Variants in DNAH2 observed in about 807,000 individuals in gnomAD.
The protein encoded by DNAH2 is axonemal beta dynein heavy chain 2.
In DNAH2, 323 loss-of-function variants were observed where a neutral mutation model predicts 523.5. The ratio of observed to expected loss-of-function variants is 0.62; its 90% confidence interval spans 0.56 to 0.68. The LOEUF (loss-of-function observed/expected upper bound fraction) is 0.68. Among genes scored for constraint, DNAH2 ranks in the 30% least tolerant of loss-of-function variants. The pLI, the probability that DNAH2 is intolerant of heterozygous loss-of-function variation, is 0.00. For missense variants in DNAH2, 4,907 were observed against 5,701.5 expected (o/e 0.86, Z 4.49); for synonymous variants, 2,093 against 2,177.4 (o/e 0.96, Z 1.08).
intron 79 of DNAH2, 63 bp downstream of exon 79, chr17:7,830,905 A>G: frequency 6.2e-7 from 1 of 1,600,612 alleles, no homozygotes; most frequent in Non-Finnish European, 8.5e-7. Flanking sequence ...TGGTGGGATC[A>G]GGGGTGGGGG....
At position 7,788,092 on chromosome 17, in the gene DNAH2, G is replaced by A. The variant is rs369484197; in HGVS notation, c.6748G>A (p.Val2250Met). ...CCTTCTTATTCAACTCCAGGCTGAGGTGGAGCCCCTTCAACGCATGTTCGA... is the reference window on the plus strand; with the variant it reads ...CCTTCTTATTCAACTCCAGGCTGAGATGGAGCCCCTTCAACGCATGTTCGA... ...SWLEKRPKAE[V>M]EPLQRMFEKL... The change falls in exon 44 of 86, where the codon GTG becomes ATG. Residue 2250 changes from valine (V) to methionine (M), a missense_variant. Coordinates refer to ENST00000572933, the MANE Select transcript of DNAH2 (RefSeq NM_020877.5). 6.3e-5 allele frequency: 102 copies of A among 1,614,242 alleles called. No individual in the cohort carries two copies. Among genetic ancestry groups the A allele is most frequent in the Admixed American group, 1.0e-4 (6 of 60,028 alleles).
chr17:7,750,297 T>G (rs76875454), intron 12 of DNAH2, among the ~76,000 whole-genome samples: 2,187 of 152,304 alleles, frequency 0.014, 43 homozygotes, highest in East Asian at 0.07. Context: ...GGTATTGGTT[T>G]CAATGTTTTT....
intron 63 of DNAH2, among the ~76,000 whole-genome samples, chr17:7,811,562 G>A (rs2077517995): frequency 6.6e-6 from 1 of 152,140 alleles, no homozygotes; most frequent in Non-Finnish European, 1.5e-5. Context: ...TCCGAAGGCT[G>A]GAAAGTCTAA....
chr17:7,742,859 T>TCGGTGGTCGC, intron 11 of DNAH2, 69 bp from the exon 12 acceptor site: 1 of 1,216,476 alleles, frequency 8.2e-7, no homozygotes, highest in Non-Finnish European at 1.1e-6. Flanking sequence ...TGTGTAGGTC[T>TCGGTGGTCGC]CAGGGAGATG....
chr17:7,791,534 C>T (rs894280260), intron 44 of DNAH2, among the ~76,000 whole-genome samples: 1 of 152,000 alleles, frequency 6.6e-6, no homozygotes, highest in Non-Finnish European at 1.5e-5. Flanking sequence ...TTTATTTTTC[C>T]ACTGCTCTAC....
rs928185331 is a variant in DNAH2, at chr17:7,778,848, C to T, written c.5541+379C>T. Among the ~76,000 whole-genome samples, 8 of 152,304 alleles carry T rather than the reference C, an allele frequency of 5.3e-5. No individual in the cohort carries two copies. The East Asian group carries it at 1.4e-3, about 26-fold the overall frequency. On this transcript the variant is annotated intron_variant, in intron 35 of 85. Coordinates refer to ENST00000572933, the MANE Select transcript of DNAH2 (RefSeq NM_020877.5). ...CCTCCCAAAGTGCTGGGATTACAGG[C>T]GTGAGCCACTGCGCCCAGCCACGTA...
In DNAH2 at chr17:7,768,409, T is replaced by G. The variant is rs1369796645; in HGVS notation, c.3941+142T>G. 5 of 805,622 alleles carry G rather than the reference T, an allele frequency of 6.2e-6. No individual in the cohort carries two copies. In the East Asian group the frequency reaches 8.0e-5, roughly 13 times the overall value. The allele number at this position is 805,622 out of a possible 1,614,324, so 49.9% of individuals were successfully genotyped here. A position where few individuals can be genotyped will look rare whatever the true frequency, so the allele number is the denominator to read the frequency against. On this transcript the variant is annotated intron_variant, in intron 24 of 85. Coordinates refer to ENST00000572933, the MANE Select transcript of DNAH2 (RefSeq NM_020877.5). ...CAAATGTATGTCTTTTTCTCTTTCC[T>G]CTTTTTAACATTTAATTTTGATGGA... is the stretch of plus-strand genomic sequence containing the variant.
At chr17:7,770,999 G>C in intron 27 of DNAH2, 66 bp downstream of exon 27, 1 of 1,562,560 alleles carries the variant, frequency 6.4e-7, no homozygotes, top group Non-Finnish European at 8.7e-7. Flanking sequence ...TTAAGACCTA[G>C]ATTTTGCCCT....
chr17:7,776,112 A>G lies in DNAH2; in HGVS notation c.4910A>G (p.Asn1637Ser), dbSNP rs2076445403. 6.2e-7 allele frequency: 1 copy of G among 1,613,980 alleles called. No homozygotes were observed. The highest frequency in any genetic ancestry group is 8.5e-7 in the Non-Finnish European group (1 of 1,179,920). The change falls in exon 31 of 86, where the codon AAC becomes AGC. Residue 1637 changes from asparagine (N) to serine (S), a missense_variant. By Grantham distance (46) the Asn-to-Ser change is conservative. Around this residue, in one of 3 missense-constraint regions of DNAH2, gnomAD observed 2,806 missense variants for 3,190.8 expected, o/e 0.88. Coordinates refer to ENST00000572933, the MANE Select transcript of DNAH2 (RefSeq NM_020877.5). ...NCHLALRKFLNKRDKWVKEWA... is the reference protein window; with the variant it reads ...NCHLALRKFLSKRDKWVKEWA... ...CACCTGGCCCTCAGGAAGTTCCTCA[A>G]CAAGAGGGACAAATGGGTGAAGGAG...
intron 39 of DNAH2, among the ~76,000 whole-genome samples, chr17:7,784,196 T>C (rs555964545): frequency 6.6e-6 from 1 of 152,272 alleles, no homozygotes; most frequent in African/African-American, 2.4e-5. Flanking sequence ...TCTAATAATA[T>C]AGTCTCAAAA....
chr17:7,780,488 C>A lies in DNAH2; in HGVS notation c.5851-142C>A, dbSNP rs1194169922. On this transcript the variant is annotated intron_variant, in intron 37 of 85. Coordinates refer to ENST00000572933, the MANE Select transcript of DNAH2 (RefSeq NM_020877.5). The surrounding 1 kb of genome is among the most constrained non-coding windows in gnomAD (Gnocchi z 4.4). ...CTAACTGACAATGGCGTCATTCACA[C>A]AATTTCCTCAGGAGAATCCATAGAG... 3 of 1,406,396 alleles carry A rather than the reference C, an allele frequency of 2.1e-6. No homozygotes were observed. Among genetic ancestry groups the A allele is most frequent in the Non-Finnish European group, 2.9e-6 (3 of 1,028,522 alleles). 87.1% of individuals were successfully genotyped at this position (1,406,396 alleles called of 1,614,324 possible). A position where few individuals can be genotyped will look rare whatever the true frequency, so the allele number is the denominator to read the frequency against.
chr17:7,735,909 T>C (rs1472866932), intron 7 of DNAH2, among the ~76,000 whole-genome samples: 2 of 151,964 alleles, frequency 1.3e-5, no homozygotes, highest in Non-Finnish European at 2.9e-5. Context: ...CCCACCACCA[T>C]GCCTGGCTAG....
At chr17:7,752,668 C>G (rs1013675102) in intron 12 of DNAH2, among the ~76,000 whole-genome samples, 8 of 152,048 alleles carry the variant, frequency 5.3e-5, no homozygotes, top group Admixed American at 6.6e-5. Context: ...TGAGATTGCG[C>G]CACTGCACTC....
rs2077743664 is a variant in DNAH2, at chr17:7,818,321, T to C, written c.10397T>C (p.Leu3466Pro). ...NKSVARIGGR[L>P]LMRIGDKEVE... ...CCTTCCGTGGATGCAGGTGGTCGGC[T>C]GTTGATGCGCATTGGCGATAAGGAG... is the stretch of plus-strand genomic sequence containing the variant. The change falls in exon 69 of 86, where the codon CTG becomes CCG. Residue 3466 changes from leucine to proline, a missense_variant. Transcript: ENST00000572933. The C allele has an allele frequency of 6.2e-7, 1 of 1,614,018 alleles. No individual in the cohort carries two copies. The highest frequency in any genetic ancestry group is 1.3e-5 in the African/African-American group (1 of 74,928).
chr17:7,720,838 T>C (rs1018959443), intron 2 of DNAH2, among the ~76,000 whole-genome samples: 2 of 151,860 alleles, frequency 1.3e-5, no homozygotes, highest in African/African-American at 4.8e-5. Flanking sequence ...TAAAATGGGA[T>C]TGCTCGCTGC....
chr17:7,830,905 A>AG, intron 79 of DNAH2, 63 bp downstream of exon 79: 2 of 1,600,612 alleles, frequency 1.2e-6, no homozygotes, highest in Non-Finnish European at 1.7e-6. Context: ...TGGTGGGATC[A>AG]GGGGTGGGGG....
intron 58 of DNAH2, 78 bp from the exon 59 acceptor site, chr17:7,804,178 G>A (rs2077298961): frequency 7.5e-6 from 11 of 1,458,848 alleles, no homozygotes; most frequent in African/African-American, 1.4e-5. Context: ...CGAGACACAC[G>A]GGGAAGGTGG....
intron 3 of DNAH2, 137 bp downstream of exon 3, chr17:7,723,826 C>T (rs2074709978): frequency 2.5e-6 from 2 of 786,858 alleles, no homozygotes; most frequent in Admixed American, 2.1e-5. Flanking sequence ...AGCCTACTCA[C>T]CACAAATCCA....
chr17:7,811,155 C>G (rs2077506242), intron 63 of DNAH2, among the ~76,000 whole-genome samples: 1 of 152,058 alleles, frequency 6.6e-6, no homozygotes, highest in Non-Finnish European at 1.5e-5. Flanking sequence ...ATTTTTTTCC[C>G]ATTTTGCATT....
Sources: allele counts gnomAD v4.1 joint callset (sites outside exome capture counted in the v4.1 genomes callset), GRCh38; gene constraint gnomAD v4.1.1; regional missense constraint gnomAD v4.1.1; non-coding constraint Gnocchi (gnomAD v3.1); transcripts MANE v1.5; gene names NCBI Gene and HGNC (gene_info 2026-07-23, HGNC 2026-07-21).